Variants in UGT2B7 observed in about 807,000 individuals in gnomAD.
UGT2B7 encodes the protein UDP-glucuronosyltransferase 2B7.
Under a neutral mutation model 51.9 loss-of-function variants are expected in UGT2B7, and 51 were observed. That is an observed-to-expected ratio of 0.98 (90% CI 0.78 to 1.24). The LOEUF is 1.24. Among genes scored for constraint, UGT2B7 ranks in the 50% most tolerant of loss-of-function variants. The pLI is 0.00. For missense variants in UGT2B7, 727 were observed against 628.4 expected (o/e 1.16, Z -1.68); for synonymous variants, 225 against 211.6 (o/e 1.06, Z -0.55).
rs1560513879 is a variant in UGT2B7 at position 69,112,598 on chromosome 4, C to T, written c.1452C>T (p.Thr484=). Residue 484 remains threonine (T), a synonymous_variant, in exon 6 of 6, where the codon ACC becomes ACT. Coordinates refer to ENST00000305231, the MANE Select transcript of UGT2B7 (RefSeq NM_001074.4). The part of the protein sequence containing the change: ...KHLRVAAHDL[T]WFQYHSLDVI... ...TTCGGGTTGCAGCCCACGACCTCAC[C>T]TGGTTCCAGTACCACTCTTTGGATG... The T allele has an allele frequency of 6.2e-7, 1 of 1,613,936 alleles. No homozygotes were observed. Among genetic ancestry groups the T allele is most frequent in the Non-Finnish European group, 8.5e-7 (1 of 1,179,872 alleles).
intron 1 of UGT2B7, among the ~76,000 whole-genome samples, chr4:69,064,547 T>C (rs1218984962): frequency 6.6e-6 from 1 of 152,158 alleles, no homozygotes; most frequent in African/African-American, 2.4e-5. Flanking sequence ...AAAGCAACAG[T>C]CATGTGTAAT....
Position 69,086,389 on chromosome 4 carries a change from C to T in UGT2B7, c.-158-3083C>T, listed in dbSNP as rs138690295. 9.3e-4 allele frequency among the ~76,000 whole-genome samples: 141 copies of T among 151,734 alleles called. No individual in the cohort carries two copies. The East Asian group carries it at 0.021, about 23-fold the overall frequency. On this transcript the variant is annotated intron_variant, in intron 1 of 5. Coordinates refer to the UGT2B7 transcript ENST00000502942. ...AAAAAAATTTAAGACTTATTTTGACCTAAAATATGGTCTATTCTAGAAGAT... is the reference window on the plus strand; with the variant it reads ...AAAAAAATTTAAGACTTATTTTGACTTAAAATATGGTCTATTCTAGAAGAT...
chr4:69,103,077 A>T, intron 3 of UGT2B7, 139 bp downstream of exon 3: 1 of 1,454,166 alleles, frequency 6.9e-7, no homozygotes, highest in South Asian at 1.4e-5. Flanking sequence ...ATCTTGGAGA[A>T]ACTATGAGAA....
intron 1 of UGT2B7, among the ~76,000 whole-genome samples, chr4:69,088,854 G>A (rs1166453870): frequency 2.6e-5 from 4 of 152,112 alleles, no homozygotes; most frequent in Admixed American, 6.6e-5. Flanking sequence ...ACAGATCCAT[G>A]AAGAAACTGA....
chr4:69,061,690 G>A (rs1293541955), intron 1 of UGT2B7, among the ~76,000 whole-genome samples: 2 of 152,170 alleles, frequency 1.3e-5, no homozygotes, highest in Non-Finnish European at 2.9e-5. Context: ...TGATTAGGGT[G>A]TCATTTCTAT....
Position 69,107,158 on chromosome 4 carries a change from T to G in UGT2B7, c.1003-17T>G, listed in dbSNP as rs186130517. The G allele has an allele frequency of 5.1e-5, 81 of 1,602,922 alleles. No homozygotes were observed. The African/African-American group carries it at 1.0e-3, about 20-fold the overall frequency. On this transcript the variant is annotated splice_polypyrimidine_tract_variant and intron_variant, in intron 3 of 5. Transcript: ENST00000305231. ...GAATTCCACTCATGGAATAAAATATTTTCTTTATTGTAACAGGTTCTGTGG... is the reference window on the plus strand; with the variant it reads ...GAATTCCACTCATGGAATAAAATATGTTCTTTATTGTAACAGGTTCTGTGG...
upstream of UGT2B7, among the ~76,000 whole-genome samples, chr4:69,095,248 G>C (rs370943859): frequency 3.5e-4 from 53 of 152,280 alleles, no homozygotes; most frequent in East Asian, 8.1e-3. Flanking sequence ...AGGAGTTCTG[G>C]GTTGGAGGTT....
chr4:69,086,704 G>T (rs555052642), intron 1 of UGT2B7, among the ~76,000 whole-genome samples: 2 of 151,742 alleles, frequency 1.3e-5, no homozygotes, highest in South Asian at 2.1e-4. Context: ...TTGCTCTATG[G>T]AGCTCTTGAT....
intron 1 of UGT2B7, among the ~76,000 whole-genome samples, chr4:69,083,987 T>G (rs1056807468): frequency 9.2e-5 from 14 of 152,078 alleles, no homozygotes; most frequent in Admixed American, 8.5e-4. Flanking sequence ...CCAACTTTCC[T>G]TTTTTACTCT....
intron 1 of UGT2B7, among the ~76,000 whole-genome samples, chr4:69,079,183 C>T (rs1363563102): frequency 1.3e-5 from 2 of 152,148 alleles, no homozygotes; most frequent in East Asian, 1.9e-4. Context: ...GGTTTTGTGC[C>T]ATGCCATCAG....
At chr4:69,055,098 T>TAAAAAAAAAAAA (rs1178892377) in intron 1 of UGT2B7, among the ~76,000 whole-genome samples, 3 of 22,560 alleles carry the variant, frequency 1.3e-4, no homozygotes, top group African/African-American at 4.0e-4. Flanking sequence ...AAGTAATAGC[T>TAAAAAAAAAAAA]AAAAAAAAAA....
intron 1 of UGT2B7, among the ~76,000 whole-genome samples, chr4:69,098,259 T>C (rs1188698512): frequency 6.6e-6 from 1 of 152,066 alleles, no homozygotes; most frequent in African/African-American, 2.4e-5. Flanking sequence ...TTTCTATGGC[T>C]CATTTTAATA....
At position 69,096,986 on chromosome 4, in the gene UGT2B7, T is replaced by C. The variant is rs767794700; in HGVS notation, c.466T>C (p.Cys156Arg). 3.7e-6 allele frequency: 6 copies of C among 1,613,688 alleles called. No homozygotes were observed. The South Asian group carries it at 6.6e-5, about 18-fold the overall frequency. ...DVIFADAIFP[C>R]SELLAELFNI... ...CATTTTTGCAGATGCTATTTTTCCC[T>C]GTAGTGAGCTGCTGGCTGAGCTATT... Residue 156 changes from cysteine (C) to arginine (R), a missense_variant, in exon 1 of 6, where the codon TGT (cysteine) becomes CGT (arginine). By Grantham distance (180) the Cys-to-Arg change is radical. Transcript: ENST00000305231.
At chr4:69,057,872 G>A (rs956458626) in intron 1 of UGT2B7, among the ~76,000 whole-genome samples, 1 of 152,186 alleles carries the variant, frequency 6.6e-6, no homozygotes, top group Non-Finnish European at 1.5e-5. Context: ...CCCTCTTTTG[G>A]TGTTGGCTGG....
At chr4:69,093,486 C>A (rs1340359545), upstream of UGT2B7, among the ~76,000 whole-genome samples, 3 of 152,146 alleles carry the variant, frequency 2.0e-5, no homozygotes, top group Non-Finnish European at 4.4e-5. Context: ...ACTGCTCAGC[C>A]CCCTGAATTC....
chr4:69,105,755 A>G (rs1719576158), intron 3 of UGT2B7, among the ~76,000 whole-genome samples: 1 of 152,212 alleles, frequency 6.6e-6, no homozygotes, highest in African/African-American at 2.4e-5. Flanking sequence ...TTGATAATTT[A>G]TAATTCCAAT....
rs140122090 is a variant in UGT2B7 at position 69,074,236 on chromosome 4, G to C, written c.-158-15236G>C. Reference sequence around the variant, plus strand: ...TGCACCTGTGGTCCCAGCCACTTGGGGGACTGAGGTGAGAGAATCACTTGA... The same window carrying C: ...TGCACCTGTGGTCCCAGCCACTTGGCGGACTGAGGTGAGAGAATCACTTGA... On this transcript the variant is annotated intron_variant, in intron 1 of 5. Coordinates refer to the UGT2B7 transcript ENST00000502942. Among the ~76,000 whole-genome samples, 1,032 of 151,864 alleles carry C rather than the reference G, an allele frequency of 6.8e-3. 13 individuals carry two copies. Among genetic ancestry groups the C allele is most frequent in the African/African-American group, 0.024 (992 of 41,336 alleles).
intron 1 of UGT2B7, among the ~76,000 whole-genome samples, chr4:69,059,625 A>G (rs1015087349): frequency 6.6e-6 from 1 of 152,098 alleles, no homozygotes; most frequent in African/African-American, 2.4e-5. Flanking sequence ...GTCAGGCACC[A>G]GTGGTGGTAG....
At chr4:69,088,868 T>G (rs115495675) in intron 1 of UGT2B7, among the ~76,000 whole-genome samples, 125 of 152,246 alleles carry the variant, frequency 8.2e-4, no homozygotes, top group African/African-American at 2.8e-3. Flanking sequence ...AAACTGAACA[T>G]TCACTTCAAA....
Sources: allele counts gnomAD v4.1 joint callset (sites outside exome capture counted in the v4.1 genomes callset), GRCh38; gene constraint gnomAD v4.1.1; transcripts MANE v1.5; gene names NCBI Gene and HGNC (gene_info 2026-07-23, HGNC 2026-07-21).